The following GLDN variants were observed in gnomAD, a reference collection of about 807,000 sequenced individuals.
GLDN encodes the protein collomin.
Under a neutral mutation model 56.5 loss-of-function variants are expected in GLDN, and 47 were observed. The observed-to-expected ratio is 0.83, with a 90% CI of 0.66 to 1.06. GLDN has a LOEUF of 1.06. GLDN is among the 50% of genes least tolerant of loss of function. The probability of loss-of-function intolerance (pLI) is 0.00; values close to 1 mark genes in which losing one functional copy is unlikely to be tolerated. For synonymous variants in GLDN, 332 were observed against 278.8 expected (o/e 1.19, Z -1.90); for missense variants, 782 against 714.3 (o/e 1.09, Z -1.08).
chr15:51,391,600 C>T (rs2038021582), intron 4 of GLDN, among the ~76,000 whole-genome samples: 3 of 152,186 alleles, frequency 2.0e-5, no homozygotes, highest in Non-Finnish European at 4.4e-5. Context: ...ACAAAGAGGG[C>T]CGGGCAGAAG....
In GLDN at chr15:51,388,628, A is replaced by C. The variant is rs1362346676; in HGVS notation, c.541+4736A>C. On this transcript the variant is annotated intron_variant, in intron 4 of 9. Coordinates refer to ENST00000335449, the MANE Select transcript of GLDN (RefSeq NM_181789.4). ...AAGGAGCTCAATAAATTCATTGTTG[A>C]ATGACTGGATATAACTTGTCTAATG... is the stretch of plus-strand genomic sequence containing the variant. Among the ~76,000 whole-genome samples the C allele has an allele frequency of 5.9e-5, 9 of 152,320 alleles. 1 individual carries two copies. The South Asian group carries it at 1.7e-3, about 28-fold the overall frequency.
At chr15:51,413,352 G>T in the GLDN span, among the ~76,000 whole-genome samples, 1 of 152,148 alleles carries the variant, frequency 6.6e-6, no homozygotes, top group Non-Finnish European at 1.5e-5. Flanking sequence ...ACCTTAAGAA[G>T]CCAAAAAATC....
In GLDN at chr15:51,342,341, CCTT is replaced by C. The variant is rs532567513; in HGVS notation, c.363+297_363+299del. Among the ~76,000 whole-genome samples the C allele has an allele frequency of 4.3e-3, 662 of 152,346 alleles. 2 individuals carry two copies. Among genetic ancestry groups the C allele is most frequent in the Middle Eastern group, 6.8e-3 (2 of 294 alleles). On this transcript the variant is annotated intron_variant, in intron 1 of 9. Coordinates refer to ENST00000335449, the MANE Select transcript of GLDN (RefSeq NM_181789.4). ...GGCAGTGTTTCTAAGAGCCTATTTT[CCTT>C]CTCAGCTTAGACAAGTTTTCGTCTC...
chr15:51,374,116 C>T (rs890952904), intron 1 of GLDN, among the ~76,000 whole-genome samples: 2 of 152,100 alleles, frequency 1.3e-5, no homozygotes, highest in Admixed American at 1.3e-4. Flanking sequence ...ATTTAGCATA[C>T]AAATGAAATC....
chr15:51,343,133 T>A (rs956676316), intron 1 of GLDN, among the ~76,000 whole-genome samples: 1 of 152,226 alleles, frequency 6.6e-6, no homozygotes, highest in Non-Finnish European at 1.5e-5. Flanking sequence ...ATCCTAGGTA[T>A]TTGAAAATAA....
At chr15:51,355,812 C>G (rs184120730) in intron 1 of GLDN, among the ~76,000 whole-genome samples, 3 of 150,566 alleles carry the variant, frequency 2.0e-5, no homozygotes, top group Non-Finnish European at 4.4e-5. Flanking sequence ...CGTGAGCCAC[C>G]ACACCCGGCC....
At chr15:51,381,317 T>G (rs921031061) in intron 2 of GLDN, among the ~76,000 whole-genome samples, 3 of 152,186 alleles carry the variant, frequency 2.0e-5, no homozygotes, top group African/African-American at 7.2e-5. Flanking sequence ...AGTCTCTATA[T>G]CCGAATTTGG....
chr15:51,394,429 A>G (rs1448193097), intron 4 of GLDN, among the ~76,000 whole-genome samples: 1 of 152,182 alleles, frequency 6.6e-6, no homozygotes, highest in Non-Finnish European at 1.5e-5. Context: ...TCTGGTCAAC[A>G]TGGCAAAACC....
intron 4 of GLDN, among the ~76,000 whole-genome samples, chr15:51,393,257 C>A (rs1374074199): frequency 6.6e-6 from 1 of 152,190 alleles, no homozygotes; most frequent in Non-Finnish European, 1.5e-5. Flanking sequence ...TCAGCAGGCA[C>A]AGAGTCAGGC....
intron 6 of GLDN, among the ~76,000 whole-genome samples, chr15:51,399,416 T>A (rs1264010442): frequency 6.6e-6 from 1 of 152,224 alleles, no homozygotes; most frequent in East Asian, 1.9e-4. Flanking sequence ...ACATTCATCC[T>A]CCTCCCTCCT....
intron 1 of GLDN, among the ~76,000 whole-genome samples, chr15:51,350,481 G>A (rs1232436341): frequency 1.3e-5 from 2 of 152,156 alleles, no homozygotes; most frequent in Non-Finnish European, 2.9e-5. Flanking sequence ...TGCAGCGTGT[G>A]CACACGTGCA....
At chr15:51,358,242 T>G (rs1464400481) in intron 1 of GLDN, among the ~76,000 whole-genome samples, 1 of 152,096 alleles carries the variant, frequency 6.6e-6, no homozygotes, top group Non-Finnish European at 1.5e-5. Context: ...TGACAGAAAA[T>G]TCAGGTACGA....
intron 1 of GLDN, among the ~76,000 whole-genome samples, chr15:51,346,210 C>T (rs1325316568): frequency 6.6e-6 from 1 of 151,818 alleles, no homozygotes; most frequent in African/African-American, 2.4e-5. Context: ...CAAAAGTTCA[C>T]ATGGAAAAAT....
chr15:51,388,397 C>A (rs2141110937), intron 4 of GLDN, among the ~76,000 whole-genome samples: 1 of 152,286 alleles, frequency 6.6e-6, no homozygotes, highest in East Asian at 1.9e-4. Context: ...TCCCTGAAAT[C>A]ACCCCCTGGT....
chr15:51,346,822 T>C, intron 1 of GLDN, among the ~76,000 whole-genome samples: 1 of 152,132 alleles, frequency 6.6e-6, no homozygotes, highest in East Asian at 1.9e-4. Context: ...TCCCAGCACT[T>C]TGGGAGGCTG....
At chr15:51,389,181 A>G (rs2037963845) in intron 4 of GLDN, among the ~76,000 whole-genome samples, 1 of 152,190 alleles carries the variant, frequency 6.6e-6, no homozygotes, top group South Asian at 2.1e-4. Context: ...GACAACTCTA[A>G]TATGGTTTCT....
At chr15:51,410,030 A>C (rs1323235157), downstream of GLDN, among the ~76,000 whole-genome samples, 1 of 152,160 alleles carries the variant, frequency 6.6e-6, no homozygotes, top group African/African-American at 2.4e-5. Flanking sequence ...CAAGTCCAGC[A>C]CTACTTGTTA....
At chr15:51,368,697 C>T (rs2037455703) in intron 1 of GLDN, among the ~76,000 whole-genome samples, 1 of 152,058 alleles carries the variant, frequency 6.6e-6, no homozygotes, top group Admixed American at 6.6e-5. Context: ...CTCAAATTTA[C>T]AGCAGTTACA....
rs1161127177 is a variant in GLDN at position 51,396,691 on chromosome 15, A to G, written c.689-779A>G. ...ACTTATCTGTCCTCAGGAAGCTAGG[A>G]TGATGCTAAATGTTCAGAATAATGA... On this transcript the variant is annotated intron_variant, in intron 5 of 9. Transcript: ENST00000335449. Among the ~76,000 whole-genome samples the G allele has an allele frequency of 2.1e-5, 3 of 143,474 alleles. No homozygotes were observed. The Admixed American group carries it at 2.2e-4, about 11-fold the overall frequency. 94.1% of individuals were successfully genotyped at this position (143,474 alleles called of 152,430 possible). A position where few individuals can be genotyped will look rare whatever the true frequency, so the allele number is the denominator to read the frequency against.
Sources: allele counts gnomAD v4.1 joint callset (sites outside exome capture counted in the v4.1 genomes callset), GRCh38; gene constraint gnomAD v4.1.1; transcripts MANE v1.5; gene names NCBI Gene and HGNC (gene_info 2026-07-23, HGNC 2026-07-21).